Variants in TRIM49C observed in about 807,000 individuals in gnomAD.
TRIM49C encodes tripartite motif containing 49C.
Under a neutral mutation model 21.4 loss-of-function variants are expected in TRIM49C, and 6 were observed. That is an observed-to-expected ratio of 0.28 (90% CI 0.15 to 0.55). The LOEUF (loss-of-function observed/expected upper bound fraction) is 0.55. TRIM49C is among the 20% of genes least tolerant of loss of function. The pLI is 0.94. For synonymous variants in TRIM49C, 57 were observed against 148.1 expected (o/e 0.38, Z 4.47); for missense variants, 161 against 442.4 (o/e 0.36, Z 5.71).
At chr11:90,038,388 AC>A (rs1270229777) in intron 5 of TRIM49C, among the ~76,000 whole-genome samples, 1 of 108,122 alleles carries the variant, frequency 9.2e-6, no homozygotes, top group Non-Finnish European at 1.9e-5. Flanking sequence ...CATTTGGGTA[AC>A]AGGTTCAGTT....
chr11:90,073,300 G>T, the TRIM49C span: 15 of 1,017,654 alleles, frequency 1.5e-5, no homozygotes, highest in East Asian at 1.1e-4. Context: ...TGAGTTTTTT[G>T]AATGTCACCA....
chr11:90,064,563 TTCTA>T, the TRIM49C span, among the ~76,000 whole-genome samples: 2 of 143,384 alleles, frequency 1.4e-5, no homozygotes, highest in East Asian at 4.1e-4. Context: ...TTTTCTTTCT[TTCTA>T]TCTTTTTTTT....
chr11:90,032,059 T>A (rs1401899908), intron 1 of TRIM49C, among the ~76,000 whole-genome samples: 1 of 136,394 alleles, frequency 7.3e-6, no homozygotes, highest in Non-Finnish European at 1.6e-5. Context: ...TACTTGGAAT[T>A]CAAGGCTGCA....
chr11:90,067,452 A>G, the TRIM49C span, among the ~76,000 whole-genome samples: 2 of 148,340 alleles, frequency 1.3e-5, no homozygotes, highest in South Asian at 4.5e-4. Context: ...TCACTATGGA[A>G]TGCCATAATT....
At chr11:90,044,749 G>C (rs1351113969), downstream of TRIM49C, among the ~76,000 whole-genome samples, 2 of 120,954 alleles carry the variant, frequency 1.7e-5, 1 homozygote, top group African/African-American at 6.6e-5. Flanking sequence ...GATGATAGTT[G>C]CTTTTGCTGT....
chr11:90,062,416 G>T, the TRIM49C span, among the ~76,000 whole-genome samples: 3 of 139,052 alleles, frequency 2.2e-5, no homozygotes, highest in African/African-American at 5.5e-5. Context: ...ACACAGCTGT[G>T]ATTAGAGTGC....
the TRIM49C span, among the ~76,000 whole-genome samples, chr11:90,056,895 T>C: frequency 1.4e-5 from 2 of 145,450 alleles, no homozygotes; most frequent in Non-Finnish European, 3.0e-5. Context: ...TGAGCTGAAA[T>C]GAGATTAATA....
At chr11:90,064,066 T>C in the TRIM49C span, among the ~76,000 whole-genome samples, 4 of 134,678 alleles carry the variant, frequency 3.0e-5, no homozygotes, top group African/African-American at 5.6e-5. Flanking sequence ...GGTATTATTC[T>C]ATACTCCCTG....
At position 90,034,820 on chromosome 11, in the gene TRIM49C, T is replaced by G. The variant is rs1178542583; in HGVS notation, c.-4-388T>G. 2.2e-5 allele frequency among the ~76,000 whole-genome samples: 3 copies of G among 134,504 alleles called. 1 individual carries two copies. The highest frequency in any genetic ancestry group is 8.1e-5 in the African/African-American group (3 of 36,844). The allele number at this position is 134,504 out of a possible 152,430, so 88.2% of individuals were successfully genotyped here. On this transcript the variant is annotated intron_variant, in intron 2 of 7. Coordinates refer to ENST00000448984, the MANE Select transcript of TRIM49C (RefSeq NM_001195234.1). ...TCTTCTCATATTTCTTTGGCCTGGA[T>G]AGTTTTTTCCCTCCCACTCTTTCAC... is the stretch of plus-strand genomic sequence containing the variant.
chr11:90,049,944 C>T, the TRIM49C span: 2 of 123,498 alleles, frequency 1.6e-5, 1 homozygote, highest in Admixed American at 1.8e-4. Flanking sequence ...ATGGCGGAAA[C>T]AGGAAGGAAT....
At chr11:90,031,427 T>C (rs1180692783) in intron 1 of TRIM49C, among the ~76,000 whole-genome samples, 183 bp downstream of exon 1, 1 of 140,104 alleles carries the variant, frequency 7.1e-6, no homozygotes, top group Non-Finnish European at 1.6e-5. Flanking sequence ...TATCAGAAGA[T>C]ATTTGAGTAG....
chr11:90,037,071 ATATGTATG>A (rs4002106), intron 4 of TRIM49C, among the ~76,000 whole-genome samples: 120,976 of 123,998 alleles, frequency 0.98, 58,997 homozygotes, highest in South Asian at 0.99. Flanking sequence ...TTGTGTGTAT[ATATGTATG>A]TATGTATGTA....
At chr11:90,046,574 A>T (rs1273798999), downstream of TRIM49C, among the ~76,000 whole-genome samples, 2 of 121,620 alleles carry the variant, frequency 1.6e-5, no homozygotes, top group African/African-American at 3.3e-5. Context: ...TATAGTATTC[A>T]CTGATGGTAG....
rs1212421912 is a variant in TRIM49C, at chr11:90,038,731, GA to G, written c.761+17del. 3.0e-6 allele frequency: 3 copies of G among 990,052 alleles called. No individual in the cohort carries two copies. In the African/African-American group the frequency reaches 5.6e-5, roughly 19 times the overall value. The allele number at this position is 990,052 out of a possible 1,614,324, so 61.3% of individuals were successfully genotyped here. A position where few individuals can be genotyped will look rare whatever the true frequency, so the allele number is the denominator to read the frequency against. On this transcript the variant is annotated intron_variant, in intron 6 of 7. Transcript: ENST00000448984. ...TATTACACAGGTGAGTGTGTACCTA[GA>G]TTTTAGCATATGTTCTTTAAGATTC... is the stretch of plus-strand genomic sequence containing the variant.
chr11:90,052,524 T>G, the TRIM49C span: 1 of 164,990 alleles, frequency 6.1e-6, no homozygotes, highest in Non-Finnish European at 1.3e-5. Context: ...AGGCAGTTTT[T>G]GGAGCCCTCG....
At chr11:90,049,955 G>C in the TRIM49C span, 1 of 123,436 alleles carries the variant, frequency 8.1e-6, no homozygotes, top group Non-Finnish European at 1.7e-5. Flanking sequence ...AGGAAGGAAT[G>C]CCTGGCAATC....
chr11:90,073,287 G>A, the TRIM49C span: 6 of 1,052,862 alleles, frequency 5.7e-6, no homozygotes, highest in African/African-American at 1.6e-5. Flanking sequence ...GAAAGTGGAA[G>A]TGTGAGTTTT....
At chr11:90,072,298 C>T in the TRIM49C span, among the ~76,000 whole-genome samples, 2 of 148,258 alleles carry the variant, frequency 1.3e-5, no homozygotes, top group African/African-American at 2.5e-5. Flanking sequence ...ACAATAAGAA[C>T]GTGATTTGGT....
chr11:90,071,127 T>C, the TRIM49C span: 1 of 489,166 alleles, frequency 2.0e-6, no homozygotes, highest in Non-Finnish European at 4.0e-6. Flanking sequence ...AGTCGTTTTC[T>C]CTCTCTCTCT....
Sources: gnomAD v4.1 joint callset for allele counts (sites outside exome capture counted in the v4.1 genomes callset) on GRCh38, gnomAD v4.1.1 for gene constraint, MANE v1.5 for transcripts, NCBI Gene and HGNC (gene_info 2026-07-23, HGNC 2026-07-21) for gene names.